ZNF69: variants seen among roughly 807,000 people sequenced by gnomAD.
ZNF69 encodes zinc finger protein 69.
Under a neutral mutation model 50.9 loss-of-function variants are expected in ZNF69, and 47 were observed. The ratio of observed to expected loss-of-function variants is 0.92; its 90% CI spans 0.73 to 1.18. The LOEUF is 1.18. Ranked by LOEUF, ZNF69 falls within the 50% of genes most tolerant of loss-of-function variation. ZNF69 has a pLI of 0.00. For missense variants in ZNF69, 717 were observed against 675.1 expected (o/e 1.06, Z -0.69); for synonymous variants, 216 against 223.1 (o/e 0.97, Z 0.29).
At chr19:11,945,000 A>C in the ZNF69 span, among the ~76,000 whole-genome samples, 1 of 152,236 alleles carries the variant, frequency 6.6e-6, no homozygotes, top group Admixed American at 6.5e-5. Context: ...GCCTGGAGAA[A>C]GTCCTTTTCT....
the ZNF69 span, chr19:11,948,750 A>G: frequency 1.2e-6 from 2 of 1,612,098 alleles, no homozygotes; most frequent in South Asian, 1.1e-5. Context: ...TCCATGAAAG[A>G]ACTCACACTG....
At chr19:11,897,362 A>G (rs889904796) in intron 1 of ZNF69, among the ~76,000 whole-genome samples, 1 of 151,974 alleles carries the variant, frequency 6.6e-6, no homozygotes, top group Admixed American at 6.6e-5. Context: ...AAATAAAAAT[A>G]AAAATAAAAA....
the ZNF69 span, among the ~76,000 whole-genome samples, chr19:11,926,261 T>A: frequency 6.6e-6 from 1 of 152,228 alleles, no homozygotes; most frequent in Admixed American, 6.5e-5. Flanking sequence ...TATCTATTTT[T>A]ACATGAATGT....
the ZNF69 span, among the ~76,000 whole-genome samples, chr19:11,962,360 C>G: frequency 2.0e-5 from 3 of 152,320 alleles, no homozygotes; most frequent in Admixed American, 6.5e-5. Flanking sequence ...ACTGCCAGCA[C>G]TTGTTCAATA....
the ZNF69 span, among the ~76,000 whole-genome samples, chr19:11,931,105 G>A: frequency 6.7e-6 from 1 of 148,152 alleles, no homozygotes; most frequent in Admixed American, 6.6e-5. Context: ...AATTAGTATA[G>A]AGTACAAAGC....
At chr19:11,970,927 A>C in the ZNF69 span, among the ~76,000 whole-genome samples, 1 of 152,072 alleles carries the variant, frequency 6.6e-6, no homozygotes, top group Non-Finnish European at 1.5e-5. Flanking sequence ...GTGAAACCTC[A>C]TTTCAAAAAA....
rs915066096 is a variant in ZNF69 at position 11,898,772 on chromosome 19, G to A, written c.64-4801G>A. On this transcript the variant is annotated intron_variant, in intron 1 of 3. Transcript: ENST00000429654. ...CCTACCATTTAGGGAGGCCAAAGCA[G>A]GAGGATAGCTTGGACTCAGGAGTTG... 2.6e-5 allele frequency among the ~76,000 whole-genome samples: 4 copies of A among 152,114 alleles called. 1 individual carries two copies. Among genetic ancestry groups the A allele is most frequent in the African/African-American group, 9.7e-5 (4 of 41,406 alleles).
At chr19:11,915,507 T>C (rs565176247), downstream of ZNF69, among the ~76,000 whole-genome samples, 1 of 152,306 alleles carries the variant, frequency 6.6e-6, no homozygotes, top group East Asian at 1.9e-4. Context: ...AAGAGGACAC[T>C]GGAGCACAGG....
chr19:11,949,924 A>C, the ZNF69 span: 67 of 1,608,838 alleles, frequency 4.2e-5, 1 homozygote, highest in South Asian at 7.3e-4. Context: ...ATCTGCCTCA[A>C]ACCTTCAGAT....
chr19:11,923,873 T>C, the ZNF69 span, among the ~76,000 whole-genome samples: 3 of 152,162 alleles, frequency 2.0e-5, no homozygotes, highest in Non-Finnish European at 4.4e-5. Context: ...CTCTGCAGCC[T>C]GCAAAGGGAG....
chr19:11,900,563 G>T (rs558335655), intron 1 of ZNF69, among the ~76,000 whole-genome samples: 1 of 152,120 alleles, frequency 6.6e-6, no homozygotes, highest in Non-Finnish European at 1.5e-5. Flanking sequence ...ATGTTAGTCA[G>T]GCTGGTCTCA....
the ZNF69 span, among the ~76,000 whole-genome samples, chr19:11,933,368 T>C: frequency 6.7e-6 from 1 of 148,254 alleles, no homozygotes; most frequent in African/African-American, 2.6e-5. Flanking sequence ...GAAGCCAATA[T>C]TATTATTACC....
chr19:11,924,973 G>A, the ZNF69 span: 12 of 456,718 alleles, frequency 2.6e-5, no homozygotes, highest in South Asian at 4.3e-5. Flanking sequence ...CGTCAGTCTG[G>A]CTCTGCGGGG....
At chr19:11,912,020 G>C (rs1306348344) in intron 4 of ZNF69, among the ~76,000 whole-genome samples, 1 of 152,084 alleles carries the variant, frequency 6.6e-6, no homozygotes. Context: ...ACACTGGAGA[G>C]AAACCCTATG....
the ZNF69 span, among the ~76,000 whole-genome samples, chr19:11,974,852 C>T: frequency 5.9e-3 from 905 of 152,332 alleles, 11 homozygotes; most frequent in African/African-American, 0.021. Context: ...ATACGCCTGC[C>T]TTGGCCTTGC....
At chr19:11,956,455 A>C in the ZNF69 span, 1 of 397,262 alleles carries the variant, frequency 2.5e-6, no homozygotes, top group Non-Finnish European at 4.4e-6. Flanking sequence ...ACCGAGTTTG[A>C]GAGATTTTGC....
chr19:11,950,156 A>G, the ZNF69 span: 176 of 1,613,902 alleles, frequency 1.1e-4, no homozygotes, highest in African/African-American at 2.1e-3. Flanking sequence ...GAATGCGGAA[A>G]AGCATTCAAT....
the ZNF69 span, chr19:11,925,420 C>T: frequency 1.5e-6 from 2 of 1,336,978 alleles, no homozygotes; most frequent in Non-Finnish European, 9.9e-7. Context: ...CCTCGGTCCC[C>T]TTGGCCGCTG....
chr19:11,976,912 AAG>A, the ZNF69 span: 1 of 1,536,528 alleles, frequency 6.5e-7, no homozygotes, highest in Non-Finnish European at 8.7e-7. Context: ...GAAAGCGAGA[AAG>A]GGATGTGATG....
Sources: gnomAD v4.1 joint callset for allele counts (sites outside exome capture counted in the v4.1 genomes callset) on GRCh38, gnomAD v4.1.1 for gene constraint, MANE v1.5 for transcripts, NCBI Gene and HGNC (gene_info 2026-07-23, HGNC 2026-07-21) for gene names.